The following SV2C variants were observed in gnomAD, a reference collection of about 807,000 sequenced individuals.
SV2C encodes synaptic vesicle glycoprotein 2C.
Under a neutral mutation model 79.7 loss-of-function variants are expected in SV2C, and 49 were observed. The observed-to-expected ratio is 0.61, with a 90% CI of 0.49 to 0.78. SV2C has a LOEUF of 0.78. Ranked by LOEUF, SV2C falls within the 30% of genes least tolerant of loss-of-function variation. SV2C has a pLI of 0.00. For synonymous variants in SV2C, 334 were observed against 333.2 expected (o/e 1.00, Z -0.03); for missense variants, 833 against 912.9 (o/e 0.91, Z 1.13).
At chr5:75,981,285 A>G in the SV2C span, among the ~76,000 whole-genome samples, 1 of 152,224 alleles carries the variant, frequency 6.6e-6, no homozygotes, top group Non-Finnish European at 1.5e-5. Context: ...TAAAATGTCT[A>G]TACTGCCCAA....
chr5:76,164,721 A>AGTGTGTGTGTGTGTGTGTGTGT lies in SV2C; in HGVS notation c.581-30189_581-30168dup, dbSNP rs10651569. 1.2e-3 allele frequency among the ~76,000 whole-genome samples: 176 copies of AGTGTGTGTGTGTGTGTGTGTGT among 141,898 alleles called. 4 individuals are homozygous for AGTGTGTGTGTGTGTGTGTGTGT. The highest frequency in any genetic ancestry group is 3.7e-3 in the East Asian group (17 of 4,556). The allele number at this position is 141,898 out of a possible 152,430, so 93.1% of individuals were successfully genotyped here. ...TTTGCTACTGTTGGGGATGGAACTC[A>AGTGTGTGTGTGTGTGTGTGTGT]GTGTGTGTGTGTGTGTGTGTGTGTG... On this transcript the variant is annotated intron_variant, in intron 2 of 12. Transcript: ENST00000502798.
the SV2C span, among the ~76,000 whole-genome samples, chr5:75,998,183 G>C: frequency 6.6e-6 from 1 of 152,060 alleles, no homozygotes; most frequent in African/African-American, 2.4e-5. Context: ...ACACACCGGG[G>C]CCTGATACGG....
At chr5:76,275,359 C>A (rs1383576392) in intron 4 of SV2C, among the ~76,000 whole-genome samples, 1 of 151,894 alleles carries the variant, frequency 6.6e-6, no homozygotes, top group Admixed American at 6.6e-5. Flanking sequence ...TGGTGGCGGG[C>A]GCCTGTAGTC....
the SV2C span, among the ~76,000 whole-genome samples, chr5:75,934,319 T>TTTTTTTC: frequency 1.5e-4 from 22 of 146,974 alleles, no homozygotes; most frequent in African/African-American, 5.2e-4. Context: ...TTTTTTTTTT[T>TTTTTTTC]CACTGTCGCT....
the SV2C span, among the ~76,000 whole-genome samples, chr5:76,010,892 C>G: frequency 6.6e-6 from 1 of 152,216 alleles, no homozygotes; most frequent in Admixed American, 6.5e-5. Context: ...GACTGCTAAT[C>G]TCATGAAACA....
chr5:76,257,950 A>G (rs1032245065), intron 4 of SV2C, among the ~76,000 whole-genome samples: 1 of 136,638 alleles, frequency 7.3e-6, no homozygotes, highest in Non-Finnish European at 1.6e-5. Context: ...GTGTATGTGT[A>G]GTGTGTGGGG....
At chr5:75,970,908 T>C in the SV2C span, among the ~76,000 whole-genome samples, 8 of 152,140 alleles carry the variant, frequency 5.3e-5, no homozygotes, top group East Asian at 5.8e-4. Flanking sequence ...TGATGAACAT[T>C]GATGCAAAAA....
chr5:76,336,681 A>G (rs1749336416), downstream of SV2C, among the ~76,000 whole-genome samples: 1 of 152,186 alleles, frequency 6.6e-6, no homozygotes. Flanking sequence ...ACTCGCAGTT[A>G]GGAGCTGGAG....
At chr5:75,876,579 A>T in the SV2C span, among the ~76,000 whole-genome samples, 1 of 152,148 alleles carries the variant, frequency 6.6e-6, no homozygotes, top group Non-Finnish European at 1.5e-5. Context: ...AATAAAAGTT[A>T]AAAAAGGAAG....
At chr5:75,898,162 T>C in the SV2C span, among the ~76,000 whole-genome samples, 1 of 152,348 alleles carries the variant, frequency 6.6e-6, no homozygotes, top group East Asian at 1.9e-4. Context: ...CCAAAGGGAA[T>C]GCTTCCAGTT....
At chr5:75,860,608 C>T in the SV2C span, among the ~76,000 whole-genome samples, 1 of 152,106 alleles carries the variant, frequency 6.6e-6, no homozygotes, top group Admixed American at 6.5e-5. Context: ...TCATATGGAA[C>T]CATAAAAGAG....
chr5:76,048,965 G>GAGAGAGAAAGAA, the SV2C span, among the ~76,000 whole-genome samples: 8 of 58,200 alleles, frequency 1.4e-4, no homozygotes, highest in South Asian at 1.7e-3. Context: ...GAAAGAAAAA[G>GAGAGAGAAAGAA]AGAAAGAAAG....
At chr5:75,939,417 T>G in the SV2C span, among the ~76,000 whole-genome samples, 1 of 152,042 alleles carries the variant, frequency 6.6e-6, no homozygotes, top group Non-Finnish European at 1.5e-5. Flanking sequence ...ATAAGGACAC[T>G]AAAGTCATCA....
chr5:76,084,622 G>A (rs1404168032), intron 1 of SV2C, among the ~76,000 whole-genome samples: 1 of 150,858 alleles, frequency 6.6e-6, no homozygotes, highest in African/African-American at 2.4e-5. Context: ...CCGCCTGGAC[G>A]GCCTGAGCTG....
chr5:75,913,553 G>A, the SV2C span, among the ~76,000 whole-genome samples: 6 of 152,170 alleles, frequency 3.9e-5, no homozygotes, highest in South Asian at 2.1e-4. Context: ...CATAAAGTAC[G>A]TAGAGGTCCA....
At chr5:76,318,577 C>A (rs936883267) in intron 12 of SV2C, among the ~76,000 whole-genome samples, 3 of 152,196 alleles carry the variant, frequency 2.0e-5, no homozygotes, top group African/African-American at 4.8e-5. Flanking sequence ...GCTCCATATA[C>A]CAGCACATGT....
At chr5:76,070,713 T>C in the SV2C span, among the ~76,000 whole-genome samples, 1 of 152,236 alleles carries the variant, frequency 6.6e-6, no homozygotes, top group African/African-American at 2.4e-5. Flanking sequence ...CTGCGCTCTA[T>C]GCTCTTCTGG....
the SV2C span, among the ~76,000 whole-genome samples, chr5:75,956,727 A>G: frequency 6.6e-6 from 1 of 151,870 alleles, no homozygotes; most frequent in African/African-American, 2.4e-5. Flanking sequence ...AACAACAGAA[A>G]TGTTGATATT....
chr5:75,872,100 T>G, the SV2C span, among the ~76,000 whole-genome samples: 771 of 147,256 alleles, frequency 5.2e-3, 9 homozygotes, highest in African/African-American at 0.018. Context: ...TATATGAATA[T>G]ATATATGGTA....
Sources: gnomAD v4.1 joint callset for allele counts (sites outside exome capture counted in the v4.1 genomes callset) on GRCh38, gnomAD v4.1.1 for gene constraint, MANE v1.5 for transcripts, NCBI Gene and HGNC (gene_info 2026-07-23, HGNC 2026-07-21) for gene names.